The following ROS1 variants were observed in gnomAD, a reference collection of about 807,000 sequenced individuals.
ROS1 encodes proto-oncogene tyrosine-protein kinase ROS.
In ROS1, 263 loss-of-function variants were observed where a neutral mutation model predicts 273.5. The observed-to-expected ratio is 0.96, with a 90% CI of 0.87 to 1.06. ROS1 has a LOEUF of 1.06. Among genes scored for constraint, ROS1 ranks in the 50% least tolerant of loss-of-function variants. The probability of loss-of-function intolerance (pLI) is 0.00; values close to 1 mark genes in which losing one functional copy is unlikely to be tolerated. For synonymous variants in ROS1, 1,008 were observed against 954.1 expected (o/e 1.06, Z -1.04); for missense variants, 2,833 against 2,751.1 (o/e 1.03, Z -0.67).
chr6:117,416,558 A>C (rs1268226026), intron 2 of ROS1, among the ~76,000 whole-genome samples: 1 of 152,178 alleles, frequency 6.6e-6, no homozygotes, highest in Admixed American at 6.5e-5. Flanking sequence ...GAGTGGAGTT[A>C]AGCCTGGCAT....
chr6:117,409,612 C>T lies in ROS1; in HGVS notation c.286G>A (p.Ala96Thr), dbSNP rs376101389. The T allele has an allele frequency of 2.6e-4, 426 of 1,613,828 alleles. No homozygotes were observed. The highest frequency in any genetic ancestry group is 3.3e-4 in the Non-Finnish European group (385 of 1,179,912). The change falls in exon 5 of 44, where the codon GCG (alanine) becomes ACG (threonine). Residue 96 changes from alanine (A) to threonine (T), a missense_variant. Coordinates refer to ENST00000368507, the MANE Select transcript of ROS1 (RefSeq NM_001378902.1). ...RESCEVGCSS[A>T]EGAYEEEVLE... ...ACTTCCTCTTCATATGCACCTTCCG[C>T]GCTGCTACAGCCAACCTCACACGAC...
chr6:117,345,527 G>T (rs746203631), intron 27 of ROS1, among the ~76,000 whole-genome samples: 13 of 152,138 alleles, frequency 8.5e-5, no homozygotes, highest in Non-Finnish European at 1.6e-4. Flanking sequence ...GCCCCAGGAG[G>T]GTGCCTGACA....
At chr6:117,378,357 A>G (rs990458330) in intron 18 of ROS1, among the ~76,000 whole-genome samples, 8 of 152,202 alleles carry the variant, frequency 5.3e-5, no homozygotes, top group African/African-American at 1.9e-4. Context: ...AGTACACATA[A>G]CAAAGTGAAT....
chr6:117,390,131 TC>T, intron 12 of ROS1, among the ~76,000 whole-genome samples: 1 of 151,952 alleles, frequency 6.6e-6, no homozygotes, highest in Non-Finnish European at 1.5e-5. Flanking sequence ...ACAGGAAGGG[TC>T]TTTTATTTTT....
At chr6:117,321,522 T>C in intron 35 of ROS1, 128 bp from the exon 36 acceptor site, 1 of 754,686 alleles carries the variant, frequency 1.3e-6, no homozygotes, top group Non-Finnish European at 2.0e-6. Flanking sequence ...TATAGAAGTT[T>C]TCATAATTTG....
At chr6:117,321,235 A>G in intron 36 of ROS1, 24 bp downstream of exon 36, 2 of 1,607,130 alleles carry the variant, frequency 1.2e-6, no homozygotes, top group African/African-American at 1.3e-5. Flanking sequence ...TAGGTGCTCC[A>G]TAATGATGGC....
In ROS1 at chr6:117,310,164, CTT is replaced by C. The variant is rs766995071; in HGVS notation, c.6331_6332del (p.Lys2111GlufsTer26). ...GAACTGGGAGCAGGCCTTCCCCTCTCTTTCTATAGTAATCATTTTTATAGATG... is the reference window on the plus strand; with the variant it reads ...GAACTGGGAGCAGGCCTTCCCCTCTCTCTATAGTAATCATTTTTATAGATG... Reference protein sequence around the residue: ...RDIYKNDYYRKRGEGLLPVRW... With the variant: ...RDIYKNDYYRXRGEGLLPVRW... On this transcript the variant is annotated frameshift_variant, in exon 41 of 44. Coordinates refer to ENST00000368507, the MANE Select transcript of ROS1 (RefSeq NM_001378902.1). LOFTEE classifies it high-confidence loss of function. 4.3e-6 allele frequency: 7 copies of C among 1,613,466 alleles called. No individual in the cohort carries two copies. In the Admixed American group the frequency reaches 1.2e-4, roughly 27 times the overall value.
At chr6:117,346,863 G>A (rs780497851) in intron 27 of ROS1, among the ~76,000 whole-genome samples, 7 of 152,150 alleles carry the variant, frequency 4.6e-5, no homozygotes, top group Non-Finnish European at 7.4e-5. Flanking sequence ...ACATAGAATA[G>A]TTCCACTGCC....
chr6:117,357,709 C>T, intron 25 of ROS1, 95 bp downstream of exon 25: 1 of 819,386 alleles, frequency 1.2e-6, no homozygotes, highest in South Asian at 1.9e-5. Context: ...TCTTATTTTT[C>T]CATAATTGTC....
At chr6:117,313,815 T>C (rs1775717421) in intron 39 of ROS1, among the ~76,000 whole-genome samples, 1 of 152,098 alleles carries the variant, frequency 6.6e-6, no homozygotes, top group African/African-American at 2.4e-5. Flanking sequence ...GAGGCTGGCC[T>C]CAAAAGAAGT....
intron 43 of ROS1, among the ~76,000 whole-genome samples, chr6:117,298,061 T>A (rs1439471683): frequency 6.6e-6 from 1 of 152,164 alleles, no homozygotes; most frequent in Non-Finnish European, 1.5e-5. Flanking sequence ...ATCATGTATT[T>A]TGTAGCAACA....
Position 117,317,163 on chromosome 6 carries a change from G to T in ROS1, c.6097C>A (p.Arg2033Ser), listed in dbSNP as rs752085591. The change falls in exon 39 of 44, where the codon CGT (arginine) becomes AGT (serine). Residue 2033 changes from arginine (R) to serine (S), a missense_variant. Arg to Ser is a moderately radical substitution (Grantham distance 110, BLOSUM62 -1). Transcript: ENST00000368507. ...CCTACCGTTGCCATCCGGGCTTTAC[G>T]CAAATAAGTAAGAAGGTCTCCTCCC... ...MEGGDLLTYL[R>S]KARMATFYGP... 1 of 1,612,944 alleles carries T rather than the reference G, an allele frequency of 6.2e-7. No individual in the cohort carries two copies. The highest frequency in any genetic ancestry group is 8.5e-7 in the Non-Finnish European group (1 of 1,179,416).
chr6:117,342,046 A>G (rs1008253663), intron 29 of ROS1, among the ~76,000 whole-genome samples: 2 of 152,188 alleles, frequency 1.3e-5, no homozygotes, highest in Admixed American at 6.6e-5. Flanking sequence ...TAAAATTCAC[A>G]TAGAAAAAAA....
chr6:117,369,739 A>G (rs958644756), intron 18 of ROS1, among the ~76,000 whole-genome samples: 1 of 152,188 alleles, frequency 6.6e-6, no homozygotes, highest in Non-Finnish European at 1.5e-5. Flanking sequence ...GGAAAGGAAT[A>G]ATCAGTTTTC....
rs1375195484 is a variant in ROS1, at chr6:117,425,657, C to A, written c.-1G>T. 6.2e-7 allele frequency: 1 copy of A among 1,610,558 alleles called. No homozygotes were observed. The highest frequency in any genetic ancestry group is 2.2e-5 in the East Asian group (1 of 44,780). ...GAATAAGACAGTAAATGTTCTTCATCACTTCACCAATGGCAGATTTTTAGA... is the reference window on the plus strand; with the variant it reads ...GAATAAGACAGTAAATGTTCTTCATAACTTCACCAATGGCAGATTTTTAGA... On this transcript the variant is annotated 5_prime_UTR_variant, in exon 1 of 44. Coordinates refer to ENST00000368507, the MANE Select transcript of ROS1 (RefSeq NM_001378902.1).
rs141715386 is a variant in ROS1, at chr6:117,385,709, G to T, written c.2263C>A (p.Leu755Ile). Residue 755 changes from leucine to isoleucine, a missense_variant, in exon 16 of 44, where the codon CTC becomes ATC. Physicochemically the swap from Leu to Ile is conservative, Grantham distance 5. Coordinates refer to ENST00000368507, the MANE Select transcript of ROS1 (RefSeq NM_001378902.1). ...ACATATGTCTTTCCAGCCCAGTAGA[G>T]AAAGTGACCCAGCCACTCAAAAGCT... ...ALAFEWLGHF[L>I]YWAGKTYVIQ... 3.9e-4 allele frequency: 634 copies of T among 1,613,972 alleles called. 8 individuals are homozygous for T. In the African/African-American group the frequency reaches 7.8e-3, roughly 20 times the overall value.
At chr6:117,332,778 A>G (rs1777179535) in intron 32 of ROS1, among the ~76,000 whole-genome samples, 1 of 152,206 alleles carries the variant, frequency 6.6e-6, no homozygotes. Flanking sequence ...GCAGAAATAA[A>G]TAAGTTCTTT....
chr6:117,300,473 C>T (rs113791303), intron 43 of ROS1, among the ~76,000 whole-genome samples: 3 of 151,836 alleles, frequency 2.0e-5, no homozygotes, highest in African/African-American at 7.2e-5. Flanking sequence ...TGCAGGAAAA[C>T]ATACAAATGA....
chr6:117,326,900 G>T (rs1190582165), intron 33 of ROS1, among the ~76,000 whole-genome samples: 2 of 152,170 alleles, frequency 1.3e-5, no homozygotes, highest in Non-Finnish European at 2.9e-5. Context: ...AGATTCTGAG[G>T]CTCGTTGCTT....
Sources: gnomAD v4.1 joint callset for allele counts (sites outside exome capture counted in the v4.1 genomes callset) on GRCh38, gnomAD v4.1.1 for gene constraint, MANE v1.5 for transcripts, NCBI Gene and HGNC (gene_info 2026-07-23, HGNC 2026-07-21) for gene names.